Variants in RHBDL2 observed in about 807,000 individuals in gnomAD.
RHBDL2 encodes the protein rhomboid like 2.
Under a neutral mutation model 31.7 loss-of-function variants are expected in RHBDL2, and 26 were observed. The observed-to-expected ratio is 0.82, with a 90% confidence interval of 0.60 to 1.14. RHBDL2 has a LOEUF of 1.14. Ranked by LOEUF, RHBDL2 falls within the 50% of genes most tolerant of loss-of-function variation. The pLI, the probability that RHBDL2 is intolerant of heterozygous loss-of-function variation, is 0.00. For synonymous variants in RHBDL2, 123 were observed against 127.2 expected (o/e 0.97, Z 0.22); for missense variants, 336 against 364.4 (o/e 0.92, Z 0.63).
chr1:38,935,420 A>T (rs143285438), intron 1 of RHBDL2, among the ~76,000 whole-genome samples: 1,582 of 152,346 alleles, frequency 0.01, 22 homozygotes, highest in African/African-American at 0.036. Flanking sequence ...CTGAATTCAA[A>T]TTCTGATTTC....
intron 5 of RHBDL2, 34 bp from the exon 6 acceptor site, chr1:38,893,258 A>G (rs1288246647): frequency 2.9e-6 from 3 of 1,045,384 alleles, no homozygotes; most frequent in South Asian, 2.7e-5. Flanking sequence ...TATATAAGCT[A>G]TCTATGGACA....
At chr1:38,894,404 C>G (rs1026636395) in intron 5 of RHBDL2, among the ~76,000 whole-genome samples, 1 of 152,102 alleles carries the variant, frequency 6.6e-6, no homozygotes, top group Admixed American at 6.5e-5. Context: ...CTCACTGCAA[C>G]CTCCACCTCC....
At chr1:38,932,232 T>TA (rs769452113) in intron 1 of RHBDL2, among the ~76,000 whole-genome samples, 10,220 of 141,324 alleles carry the variant, frequency 0.072, 380 homozygotes, top group Middle Eastern at 0.09. Context: ...TTGCCTGATT[T>TA]AAAAAAAAAA....
At chr1:38,900,873 C>T (rs1481575538) in intron 4 of RHBDL2, among the ~76,000 whole-genome samples, 1 of 151,470 alleles carries the variant, frequency 6.6e-6, no homozygotes, top group African/African-American at 2.4e-5. Context: ...CATAGCAAAA[C>T]CCTGTCTCTA....
chr1:38,940,368 C>A (rs1643548515), intron 1 of RHBDL2, among the ~76,000 whole-genome samples: 1 of 152,116 alleles, frequency 6.6e-6, no homozygotes, highest in African/African-American at 2.4e-5. Context: ...GTGGCTCTCC[C>A]TTCTTTTTTA....
At chr1:38,925,316 G>T (rs1643362731) in intron 1 of RHBDL2, among the ~76,000 whole-genome samples, 1 of 151,970 alleles carries the variant, frequency 6.6e-6, no homozygotes, top group African/African-American at 2.4e-5. Context: ...TGACCAACAT[G>T]GTGAAACCCT....
intron 2 of RHBDL2, among the ~76,000 whole-genome samples, chr1:38,918,753 C>T (rs1421736758): frequency 1.3e-5 from 2 of 152,172 alleles, no homozygotes; most frequent in East Asian, 3.9e-4. Flanking sequence ...ACAAATGAAA[C>T]TCCACCCTGG....
chr1:38,912,910 A>G (rs12118333), intron 3 of RHBDL2, among the ~76,000 whole-genome samples: 10,322 of 40,400 alleles, frequency 0.26, 542 homozygotes, highest in Middle Eastern at 0.34. Context: ...ATATATATAT[A>G]TGTGTGTGTG....
At position 38,911,361 on chromosome 1, in the gene RHBDL2, G is replaced by T; in HGVS notation, c.469C>A (p.Leu157Ile). 6.2e-7 allele frequency: 1 copy of T among 1,613,866 alleles called. No individual in the cohort carries two copies. The highest frequency in any genetic ancestry group is 8.5e-7 in the Non-Finnish European group (1 of 1,179,862). Residue 157 changes from leucine (L) to isoleucine (I), a missense_variant, in exon 4 of 8, where the codon CTC (leucine) becomes ATC (isoleucine). Coordinates refer to ENST00000372990, the MANE Select transcript of RHBDL2 (RefSeq NM_017821.5). The part of the protein sequence containing the change: ...GIPLEMVHKG[L>I]RVGLVYLAGV... ...GCCAGGTACACCAGCCCCACACGGA[G>T]GCCTTTGTGGACCATTTCCAAGGGA...
At chr1:38,899,046 A>G (rs1642956158) in intron 4 of RHBDL2, among the ~76,000 whole-genome samples, 1 of 152,186 alleles carries the variant, frequency 6.6e-6, no homozygotes, top group African/African-American at 2.4e-5. Flanking sequence ...CAGAAGCTCA[A>G]GTATAGAGTA....
intron 2 of RHBDL2, among the ~76,000 whole-genome samples, chr1:38,918,471 A>G (rs1483864222): frequency 1.3e-5 from 2 of 152,152 alleles, no homozygotes; most frequent in East Asian, 1.9e-4. Context: ...TCTGGAAAAC[A>G]AGAGGACTGA....
At position 38,918,913 on chromosome 1, in the gene RHBDL2, G is replaced by T. The variant is rs12095827; in HGVS notation, c.246+54C>A. On this transcript the variant is annotated intron_variant, in intron 2 of 7. Coordinates refer to ENST00000372990, the MANE Select transcript of RHBDL2 (RefSeq NM_017821.5). ...TAGATCTAGATCTGACCCCTAGTTT[G>T]TTCCCAGCTTCCCCATGCCACTTAC... 8,262 of 1,577,494 alleles carry T rather than the reference G, an allele frequency of 5.2e-3. 398 individuals carry two copies. In the African/African-American group the frequency reaches 0.1, roughly 19 times the overall value.
chr1:38,904,984 T>C lies in RHBDL2; in HGVS notation c.508+6338A>G, dbSNP rs1643044381. 5.3e-5 allele frequency among the ~76,000 whole-genome samples: 8 copies of C among 150,216 alleles called. No homozygotes were observed. The South Asian group carries it at 1.7e-3, about 31-fold the overall frequency. On this transcript the variant is annotated intron_variant, in intron 4 of 7. Coordinates refer to ENST00000372990, the MANE Select transcript of RHBDL2 (RefSeq NM_017821.5). Reference sequence around the variant, plus strand: ...AGGCGGAGCTTGCAGTGAGCCGAGATCGCGCCACTGCACTCCAGCCTGGGC... The same window carrying C: ...AGGCGGAGCTTGCAGTGAGCCGAGACCGCGCCACTGCACTCCAGCCTGGGC...
At chr1:38,924,437 AC>A (rs1186723591) in intron 1 of RHBDL2, among the ~76,000 whole-genome samples, 1 of 152,126 alleles carries the variant, frequency 6.6e-6, no homozygotes, top group African/African-American at 2.4e-5. Context: ...CACTAAAAAT[AC>A]AAAAAATTAG....
intron 1 of RHBDL2, among the ~76,000 whole-genome samples, chr1:38,925,025 T>A (rs1643359340): frequency 6.6e-6 from 1 of 150,924 alleles, no homozygotes; most frequent in Admixed American, 6.6e-5. Context: ...AAGTGATCCA[T>A]CCACCTAGGC....
At chr1:38,891,260 C>CAAAAAA (rs11445131) in intron 6 of RHBDL2, among the ~76,000 whole-genome samples, 13 of 79,204 alleles carry the variant, frequency 1.6e-4, no homozygotes, top group Non-Finnish European at 2.7e-4. Context: ...GACTCCGTCT[C>CAAAAAA]AAAAAAAAAA....
intron 4 of RHBDL2, among the ~76,000 whole-genome samples, chr1:38,908,809 C>G (rs1264654374): frequency 6.6e-6 from 1 of 152,200 alleles, no homozygotes; most frequent in Non-Finnish European, 1.5e-5. Flanking sequence ...CTCAATTATA[C>G]TTGTGCCTTA....
chr1:38,901,841 AAAAT>A (rs139309825), intron 4 of RHBDL2, among the ~76,000 whole-genome samples: 3,332 of 149,040 alleles, frequency 0.022, 124 homozygotes, highest in African/African-American at 0.075. Flanking sequence ...CAAAAAAAAT[AAAAT>A]AAATAAATAA....
At chr1:38,902,993 A>T (rs1643015169) in intron 4 of RHBDL2, among the ~76,000 whole-genome samples, 1 of 152,228 alleles carries the variant, frequency 6.6e-6, no homozygotes, top group Non-Finnish European at 1.5e-5. Flanking sequence ...CAGACAACAT[A>T]ATAATCTATG....
Sources: allele counts gnomAD v4.1 joint callset (sites outside exome capture counted in the v4.1 genomes callset), GRCh38; gene constraint gnomAD v4.1.1; transcripts MANE v1.5; gene names NCBI Gene and HGNC (gene_info 2026-07-23, HGNC 2026-07-21).